PACRG: variants seen among roughly 807,000 people sequenced by gnomAD.
PACRG encodes parkin coregulated, also known as parkin coregulated gene protein.
A neutral mutation model predicts 29.7 loss-of-function variants in PACRG; 29 were observed. That is an observed-to-expected ratio of 0.98 (90% CI 0.73 to 1.33). The LOEUF is 1.33. Ranked by LOEUF, PACRG falls within the 40% of genes most tolerant of loss-of-function variation. The pLI is 0.00. For synonymous variants in PACRG, 116 were observed against 118.7 expected (o/e 0.98, Z 0.15); for missense variants, 279 against 316.2 (o/e 0.88, Z 0.89).
chr6:163,248,541 T>C (rs1280447331), intron 4 of PACRG, among the ~76,000 whole-genome samples: 1 of 151,828 alleles, frequency 6.6e-6, no homozygotes, highest in Non-Finnish European at 1.5e-5. Context: ...AGAAGCAGAA[T>C]ACTTTTCTGG....
intron 2 of PACRG, among the ~76,000 whole-genome samples, chr6:162,885,410 T>C (rs939309509): frequency 1.3e-5 from 2 of 151,942 alleles, no homozygotes; most frequent in African/African-American, 4.8e-5. Flanking sequence ...GCTGGGATTA[T>C]AGGAGCGTGC....
chr6:163,024,753 C>G (rs1021470426), intron 2 of PACRG, among the ~76,000 whole-genome samples: 2 of 152,002 alleles, frequency 1.3e-5, no homozygotes, highest in East Asian at 3.9e-4. Flanking sequence ...TTATAGTTCT[C>G]CTTGTAGAGA....
intron 4 of PACRG, among the ~76,000 whole-genome samples, chr6:163,228,815 A>G (rs1187017337): frequency 6.6e-6 from 1 of 152,234 alleles, no homozygotes; most frequent in African/African-American, 2.4e-5. Context: ...AAGGTCGCAG[A>G]ATGAGTCTAG....
chr6:163,078,581 G>A (rs947611480), intron 3 of PACRG, among the ~76,000 whole-genome samples: 3 of 152,044 alleles, frequency 2.0e-5, no homozygotes, highest in African/African-American at 7.2e-5. Context: ...TAATATGTAA[G>A]GTTATAAGTG....
intron 3 of PACRG, among the ~76,000 whole-genome samples, chr6:163,079,381 T>C (rs552372311): frequency 1.3e-5 from 2 of 151,140 alleles, no homozygotes; most frequent in Admixed American, 1.3e-4. Context: ...TAGTGCGTAT[T>C]ACTTGGATAC....
intron 4 of PACRG, among the ~76,000 whole-genome samples, chr6:163,251,082 T>C (rs1318989076): frequency 6.6e-6 from 1 of 151,866 alleles, no homozygotes. Flanking sequence ...GGCATAAGAA[T>C]GATACAGTGG....
intron 2 of PACRG, among the ~76,000 whole-genome samples, chr6:162,838,588 C>T (rs952322766): frequency 6.6e-6 from 1 of 151,746 alleles, no homozygotes; most frequent in African/African-American, 2.4e-5. Context: ...CCCTTATTAA[C>T]ATCATTTTTT....
chr6:163,218,477 T>C (rs1781452035), intron 4 of PACRG, among the ~76,000 whole-genome samples: 1 of 152,140 alleles, frequency 6.6e-6, no homozygotes, highest in Non-Finnish European at 1.5e-5. Flanking sequence ...TATGAGTGCT[T>C]TCCATGGCCA....
chr6:162,765,242 G>A (rs981458066), intron 1 of PACRG, among the ~76,000 whole-genome samples: 1 of 151,824 alleles, frequency 6.6e-6, no homozygotes, highest in African/African-American at 2.4e-5. Context: ...TTGACTCTTG[G>A]CCTTTTGTAA....
chr6:162,779,583 C>G (rs926052017), intron 1 of PACRG, among the ~76,000 whole-genome samples: 5 of 152,170 alleles, frequency 3.3e-5, no homozygotes, highest in Admixed American at 2.0e-4. Flanking sequence ...ACCTAGAATT[C>G]AAAATTTTAA....
chr6:163,074,688 T>G (rs186201946), intron 3 of PACRG, among the ~76,000 whole-genome samples: 1 of 152,268 alleles, frequency 6.6e-6, no homozygotes, highest in Non-Finnish European at 1.5e-5. Flanking sequence ...ATATACCTAC[T>G]ATGTACCTAC....
At chr6:162,958,732 A>ATG (rs1209481478) in intron 2 of PACRG, among the ~76,000 whole-genome samples, 1 of 83,652 alleles carries the variant, frequency 1.2e-5, no homozygotes, top group Non-Finnish European at 2.3e-5. Context: ...GGGTACACAT[A>ATG]TGCGTGTGTG....
chr6:163,164,836 C>T lies in PACRG; in HGVS notation c.613+75428C>T, dbSNP rs6899954. ...GAGTGGCCTTAGGCAAGTACCTGAA[C>T]CATTCTGAGGTTCAGGATTCTGACT... is the stretch of plus-strand genomic sequence containing the variant. On this transcript the variant is annotated intron_variant, in intron 4 of 4. Transcript: ENST00000366888. 3.2e-3 allele frequency among the ~76,000 whole-genome samples: 490 copies of T among 152,280 alleles called. 2 individuals carry two copies. The highest frequency in any genetic ancestry group is 0.011 in the African/African-American group (461 of 41,532).
chr6:162,958,936 G>T (rs1014084212), intron 2 of PACRG, among the ~76,000 whole-genome samples: 16 of 111,746 alleles, frequency 1.4e-4, no homozygotes, highest in African/African-American at 4.1e-4. Flanking sequence ...GAGAGAGAGA[G>T]AGATGAAATC....
intron 2 of PACRG, among the ~76,000 whole-genome samples, chr6:162,930,398 C>G (rs191208505): frequency 6.6e-6 from 1 of 151,850 alleles, no homozygotes; most frequent in Non-Finnish European, 1.5e-5. Context: ...AGATTGATTG[C>G]TTTTGACATA....
chr6:163,283,321 A>G (rs945680307), intron 4 of PACRG, among the ~76,000 whole-genome samples: 8 of 152,228 alleles, frequency 5.3e-5, no homozygotes, highest in Non-Finnish European at 1.0e-4. Context: ...AAGATGTGGA[A>G]ATTGCAATGA....
At chr6:162,778,017 A>G (rs773307595) in intron 1 of PACRG, among the ~76,000 whole-genome samples, 1 of 152,144 alleles carries the variant, frequency 6.6e-6, no homozygotes, top group African/African-American at 2.4e-5. Flanking sequence ...GACACTATTC[A>G]GGCCTCACAG....
At chr6:162,797,530 A>C (rs1281331561) in intron 1 of PACRG, among the ~76,000 whole-genome samples, 1 of 152,208 alleles carries the variant, frequency 6.6e-6, no homozygotes, top group Non-Finnish European at 1.5e-5. Flanking sequence ...GTTCACTAAT[A>C]TATGTCATTG....
At chr6:162,887,484 GT>G (rs1367217456) in intron 2 of PACRG, among the ~76,000 whole-genome samples, 1 of 152,166 alleles carries the variant, frequency 6.6e-6, no homozygotes, top group African/African-American at 2.4e-5. Context: ...GACCACAGAT[GT>G]TTTGGTATCG....
Sources: gnomAD v4.1 joint callset for allele counts (sites outside exome capture counted in the v4.1 genomes callset) on GRCh38, gnomAD v4.1.1 for gene constraint, MANE v1.5 for transcripts, NCBI Gene and HGNC (gene_info 2026-07-23, HGNC 2026-07-21) for gene names.